The following PDE8B variants were observed in gnomAD, a reference collection of about 807,000 sequenced individuals.
The protein encoded by PDE8B is phosphodiesterase 8B.
Under a neutral mutation model 101.3 loss-of-function variants are expected in PDE8B, and 26 were observed. The ratio of observed to expected loss-of-function variants is 0.26; its 90% CI spans 0.19 to 0.36. PDE8B has a LOEUF of 0.36. Ranked by LOEUF, PDE8B falls within the 10% of genes least tolerant of loss-of-function variation. The pLI is 1.00. For synonymous variants in PDE8B, 424 were observed against 429.3 expected (o/e 0.99, Z 0.15); for missense variants, 810 against 1,163.1 (o/e 0.70, Z 4.42).
chr5:77,100,317 T>C, the PDE8B span: 5 of 152,250 alleles, frequency 3.3e-5, no homozygotes, highest in Non-Finnish European at 7.3e-5. Context: ...TCTGTTAACA[T>C]GCATACAGTT....
At chr5:77,205,688 T>C (rs1010251391), upstream of PDE8B, among the ~76,000 whole-genome samples, 1 of 152,240 alleles carries the variant, frequency 6.6e-6, no homozygotes, top group Non-Finnish European at 1.5e-5. Flanking sequence ...GCACTGAAAC[T>C]GTTTTTCAGA....
rs71594634 is a variant in PDE8B, at chr5:77,423,632, G to GT, written c.2418+1671dup. Among the ~76,000 whole-genome samples, 574 of 73,996 alleles carry GT rather than the reference G, an allele frequency of 7.8e-3. 77 individuals are homozygous for GT. Among genetic ancestry groups the GT allele is most frequent in the Middle Eastern group, 0.019 (2 of 106 alleles). 48.5% of individuals were successfully genotyped at this position (73,996 alleles called of 152,430 possible). Reference sequence around the variant, plus strand: ...TGATGCTGGACTTTTGTTTTGTTTAGTTTTTTTTTTTTTTTTTTTTTTTTT... The same window carrying GT: ...TGATGCTGGACTTTTGTTTTGTTTAGTTTTTTTTTTTTTTTTTTTTTTTTTT... On this transcript the variant is annotated intron_variant, in intron 20 of 21. Coordinates refer to ENST00000264917, the MANE Select transcript of PDE8B (RefSeq NM_003719.5).
intron 17 of PDE8B, 142 bp downstream of exon 17, chr5:77,413,451 T>C (rs910335583): frequency 1.0e-5 from 7 of 685,806 alleles, no homozygotes; most frequent in Non-Finnish European, 1.8e-5. Context: ...CCAAATTGAC[T>C]AGTCACTTTG....
the PDE8B span, among the ~76,000 whole-genome samples, chr5:77,196,902 TTGAG>T: frequency 4.5e-4 from 69 of 152,242 alleles, no homozygotes; most frequent in Non-Finnish European, 8.4e-4. Flanking sequence ...ATATTTCTTC[TTGAG>T]TATTTCTTTG....
chr5:77,370,628 C>T (rs1330715475), intron 10 of PDE8B, among the ~76,000 whole-genome samples: 1 of 152,206 alleles, frequency 6.6e-6, no homozygotes, highest in Admixed American at 6.5e-5. Flanking sequence ...TATTCTTATA[C>T]AAGTCTCTTT....
At chr5:77,294,847 T>TTATATAATATATATATGATA (rs1047429256) in intron 1 of PDE8B, among the ~76,000 whole-genome samples, 2 of 148,278 alleles carry the variant, frequency 1.3e-5, no homozygotes, top group African/African-American at 4.9e-5. Flanking sequence ...TGATGATTCA[T>TTATATAATATATATATGATA]TATATAATAT....
chr5:77,369,176 C>G (rs1262066695), intron 10 of PDE8B, among the ~76,000 whole-genome samples: 3 of 129,292 alleles, frequency 2.3e-5, no homozygotes. Context: ...GCACTCCAGC[C>G]TATGCGACAG....
chr5:77,421,793 A>G (rs377386867), intron 19 of PDE8B, 28 bp from the exon 20 acceptor site: 14 of 1,612,254 alleles, frequency 8.7e-6, no homozygotes, highest in Non-Finnish European at 1.2e-5. Context: ...ATCTTGAACC[A>G]AGCCTGATCT....
the PDE8B span, among the ~76,000 whole-genome samples, chr5:77,149,288 GA>G: frequency 6.6e-6 from 1 of 152,174 alleles, no homozygotes; most frequent in South Asian, 2.1e-4. Flanking sequence ...AGTAAATTTT[GA>G]AATTGGGTGA....
intron 10 of PDE8B, among the ~76,000 whole-genome samples, chr5:77,386,915 C>T (rs13178574): frequency 0.18 from 19,415 of 108,788 alleles, 2,688 homozygotes; most frequent in African/African-American, 0.4. Context: ...CTCGCTCTGT[C>T]GCCCAGGCCG....
In PDE8B at chr5:77,219,627, T is replaced by A. The variant is rs527634523; in HGVS notation, c.339+8363T>A. Among the ~76,000 whole-genome samples the A allele has an allele frequency of 3.9e-5, 6 of 152,268 alleles. No individual in the cohort carries two copies. The South Asian group carries it at 8.3e-4, about 21-fold the overall frequency. On this transcript the variant is annotated intron_variant, in intron 1 of 21. Coordinates refer to ENST00000264917, the MANE Select transcript of PDE8B (RefSeq NM_003719.5). Reference sequence around the variant, plus strand: ...ATGACCAAATGGAGAGACAAATACATTTATGAAGGCCAGTGATGACCCAAC... The same window carrying A: ...ATGACCAAATGGAGAGACAAATACAATTATGAAGGCCAGTGATGACCCAAC...
chr5:77,162,307 C>G, the PDE8B span, among the ~76,000 whole-genome samples: 5 of 151,992 alleles, frequency 3.3e-5, no homozygotes, highest in Admixed American at 3.3e-4. Flanking sequence ...TAAATCATGT[C>G]CGTGTATTGA....
At chr5:77,367,281 G>A (rs1784317056) in intron 10 of PDE8B, among the ~76,000 whole-genome samples, 1 of 152,106 alleles carries the variant, frequency 6.6e-6, no homozygotes, top group Admixed American at 6.5e-5. Context: ...GGTGAGCAGC[G>A]TTGTGATGAA....
At chr5:77,389,671 G>T (rs1180306487) in intron 10 of PDE8B, among the ~76,000 whole-genome samples, 1 of 152,084 alleles carries the variant, frequency 6.6e-6, no homozygotes, top group African/African-American at 2.4e-5. Flanking sequence ...GCCCCCAGAG[G>T]TGACCACTTT....
At chr5:77,290,185 T>C in intron 1 of PDE8B, 4 of 1,496,350 alleles carry the variant, frequency 2.7e-6, no homozygotes, top group Non-Finnish European at 3.6e-6. Flanking sequence ...AAACCATTGA[T>C]GTGGCGCCTG....
At chr5:77,413,781 A>G (rs539992879) in intron 17 of PDE8B, among the ~76,000 whole-genome samples, 6 of 152,276 alleles carry the variant, frequency 3.9e-5, no homozygotes, top group Non-Finnish European at 8.8e-5. Context: ...GAACGTGCCT[A>G]TCTTTATATT....
the PDE8B span, among the ~76,000 whole-genome samples, chr5:77,161,276 C>A: frequency 0.062 from 9,394 of 152,140 alleles, 946 homozygotes; most frequent in African/African-American, 0.21. Context: ...TCTTGGATTT[C>A]ATATAAATGA....
chr5:77,248,289 C>A (rs868635369), intron 1 of PDE8B, among the ~76,000 whole-genome samples: 2 of 152,204 alleles, frequency 1.3e-5, no homozygotes, highest in African/African-American at 4.8e-5. Context: ...AAGTACCCAA[C>A]TAATATGGGT....
At chr5:77,403,245 T>C (rs1172571156) in intron 11 of PDE8B, among the ~76,000 whole-genome samples, 2 of 152,182 alleles carry the variant, frequency 1.3e-5, no homozygotes. Context: ...TCTGCAAAGA[T>C]TTAGGCCAAA....
Sources: gnomAD v4.1 joint callset for allele counts (sites outside exome capture counted in the v4.1 genomes callset) on GRCh38, gnomAD v4.1.1 for gene constraint, MANE v1.5 for transcripts, NCBI Gene and HGNC (gene_info 2026-07-23, HGNC 2026-07-21) for gene names.